The following DAB1 variants were observed in gnomAD, a reference collection of about 807,000 sequenced individuals.
The protein encoded by DAB1 is disabled homolog 1.
Under a neutral mutation model 64.6 loss-of-function variants are expected in DAB1, and 15 were observed. The ratio of observed to expected loss-of-function variants is 0.23; its 90% CI spans 0.16 to 0.36. The LOEUF (loss-of-function observed/expected upper bound fraction) is 0.36, where lower values mean the gene tolerates loss of function less well. Among genes scored for constraint, DAB1 ranks in the 10% least tolerant of loss-of-function variants. The pLI is 1.00. For synonymous variants in DAB1, 235 were observed against 251.9 expected (o/e 0.93, Z 0.64); for missense variants, 596 against 706.7 (o/e 0.84, Z 1.78).
intron 5 of DAB1, among the ~76,000 whole-genome samples, chr1:57,924,521 A>G (rs1202756): frequency 0.18 from 26,785 of 151,760 alleles, 3,105 homozygotes; most frequent in African/African-American, 0.33. Flanking sequence ...GTGCAGTGGC[A>G]CAATCTCGGC....
At chr1:57,700,379 C>T (rs376592320) in intron 6 of DAB1, among the ~76,000 whole-genome samples, 1 of 152,224 alleles carries the variant, frequency 6.6e-6, no homozygotes, top group African/African-American at 2.4e-5. Flanking sequence ...AACTCCTTCA[C>T]TTGGAGATAA....
chr1:57,700,130 C>T (rs962636284), intron 6 of DAB1, among the ~76,000 whole-genome samples: 2 of 152,050 alleles, frequency 1.3e-5, no homozygotes, highest in East Asian at 1.9e-4. Flanking sequence ...CATGTGCTAC[C>T]GGTCATTTGA....
chr1:57,124,184 C>T (rs922097682), intron 4 of DAB1, among the ~76,000 whole-genome samples: 1 of 152,126 alleles, frequency 6.6e-6, no homozygotes, highest in Non-Finnish European at 1.5e-5. Context: ...GATTCCCAAA[C>T]ATAAGACATT....
chr1:58,010,515 G>A (rs1364734730), intron 5 of DAB1, among the ~76,000 whole-genome samples: 5 of 152,134 alleles, frequency 3.3e-5, no homozygotes, highest in Non-Finnish European at 7.4e-5. Context: ...GAATGTTTAT[G>A]CATCAAAAAA....
intron 4 of DAB1, among the ~76,000 whole-genome samples, chr1:58,242,181 G>A (rs1267049212): frequency 2.0e-5 from 3 of 152,084 alleles, no homozygotes; most frequent in African/African-American, 7.2e-5. Context: ...AGAGCTGGAT[G>A]ACAGGGAGAA....
chr1:58,331,261 G>T (rs1662962106), intron 4 of DAB1, among the ~76,000 whole-genome samples: 1 of 152,212 alleles, frequency 6.6e-6, no homozygotes, highest in African/African-American at 2.4e-5. Flanking sequence ...GGACCCTAAG[G>T]ATGAGACTGA....
At chr1:57,090,856 T>C (rs1015771548) in intron 4 of DAB1, among the ~76,000 whole-genome samples, 2 of 152,166 alleles carry the variant, frequency 1.3e-5, no homozygotes, top group South Asian at 4.1e-4. Flanking sequence ...CAGTACCGCC[T>C]GAGCTCTACC....
At chr1:58,079,101 C>CA (rs1249453029) in intron 5 of DAB1, among the ~76,000 whole-genome samples, 4 of 152,120 alleles carry the variant, frequency 2.6e-5, no homozygotes, top group Admixed American at 6.5e-5. Context: ...CCTCAAGATC[C>CA]AAAAAAAGAA....
intron 1 of DAB1, among the ~76,000 whole-genome samples, chr1:58,535,660 A>T (rs1247309928): frequency 6.6e-6 from 1 of 151,822 alleles, no homozygotes; most frequent in Non-Finnish European, 1.5e-5. Context: ...CTGGACATGA[A>T]TTCGAAAAAT....
intron 7 of DAB1, among the ~76,000 whole-genome samples, chr1:57,587,053 C>A (rs1318489151): frequency 6.6e-6 from 1 of 152,154 alleles, no homozygotes; most frequent in Non-Finnish European, 1.5e-5. Flanking sequence ...TGCTAGAATG[C>A]CATCAACTTC....
chr1:57,396,826 G>T (rs1035980933), intron 1 of DAB1, among the ~76,000 whole-genome samples: 1 of 152,140 alleles, frequency 6.6e-6, no homozygotes, highest in African/African-American at 2.4e-5. Flanking sequence ...CTCCTCTAGG[G>T]AAGCTGAACA....
At chr1:58,205,315 T>G (rs1008572710) in intron 4 of DAB1, among the ~76,000 whole-genome samples, 4 of 152,208 alleles carry the variant, frequency 2.6e-5, no homozygotes, top group Admixed American at 6.5e-5. Context: ...TTATTTTAAT[T>G]CATTCCCCTT....
At chr1:57,140,215 CACTGGAA>C (rs1658472484) in intron 3 of DAB1, among the ~76,000 whole-genome samples, 1 of 152,146 alleles carries the variant, frequency 6.6e-6, no homozygotes, top group Admixed American at 6.6e-5. Flanking sequence ...AGTAAGTCAC[CACTGGAA>C]ACTGGAAACC....
intron 5 of DAB1, among the ~76,000 whole-genome samples, chr1:58,065,605 G>A (rs1648808613): frequency 6.6e-6 from 1 of 152,148 alleles, no homozygotes; most frequent in African/African-American, 2.4e-5. Context: ...GGAACAACAT[G>A]GTCCCCTCCC....
At position 58,361,470 on chromosome 1, in the gene DAB1, T is replaced by C. The variant is rs1041116014; in HGVS notation, n.258-18067A>G. 2.0e-5 allele frequency among the ~76,000 whole-genome samples: 3 copies of C among 152,222 alleles called. No individual in the cohort carries two copies. In the East Asian group the frequency reaches 5.8e-4, roughly 29 times the overall value. The stretch of plus-strand genomic sequence containing the variant: ...TGTTTTTCAGGGCAGGGACCTTGTC[T>C]TTCCTGTTCATCTTAGCACCTATCA... On this transcript the variant is annotated intron_variant and non_coding_transcript_variant, in intron 3 of 20. Coordinates refer to the DAB1 transcript ENST00000485760.
intron 7 of DAB1, among the ~76,000 whole-genome samples, chr1:57,548,300 A>G (rs549382768): frequency 6.6e-6 from 1 of 152,228 alleles, no homozygotes; most frequent in Admixed American, 6.5e-5. Context: ...AGGAGCTTGA[A>G]TCTCAGTTAA....
intron 2 of DAB1, among the ~76,000 whole-genome samples, chr1:57,182,153 G>A (rs1038059529): frequency 3.3e-5 from 5 of 152,106 alleles, no homozygotes; most frequent in Non-Finnish European, 7.3e-5. Context: ...CCAAATTGTT[G>A]GGATTACAGG....
intron 2 of DAB1, among the ~76,000 whole-genome samples, chr1:57,157,191 A>G (rs534173615): frequency 6.6e-6 from 1 of 152,314 alleles, no homozygotes; most frequent in East Asian, 1.9e-4. Flanking sequence ...TATAATAAGC[A>G]CAGCCAAGAT....
intron 6 of DAB1, among the ~76,000 whole-genome samples, chr1:57,719,982 C>T (rs1647131620): frequency 6.6e-6 from 1 of 152,186 alleles, no homozygotes; most frequent in Non-Finnish European, 1.5e-5. Context: ...TTCTCTTTGA[C>T]ATTTAGTTGT....
Sources: allele counts gnomAD v4.1 joint callset (sites outside exome capture counted in the v4.1 genomes callset), GRCh38; gene constraint gnomAD v4.1.1; transcripts MANE v1.5; gene names NCBI Gene and HGNC (gene_info 2026-07-23, HGNC 2026-07-21).